COL8A1: variants seen among roughly 807,000 people sequenced by gnomAD.
COL8A1 encodes the protein collagen type VIII alpha 1 chain.
In COL8A1, 21 loss-of-function variants were observed where a neutral mutation model predicts 42.7. The observed-to-expected ratio is 0.49, with a 90% CI of 0.35 to 0.71. The LOEUF (loss-of-function observed/expected upper bound fraction) is 0.71, where lower values mean the gene tolerates loss of function less well. Among genes scored for constraint, COL8A1 ranks in the 30% least tolerant of loss-of-function variants. COL8A1 has a pLI of 0.01. For synonymous variants in COL8A1, 367 were observed against 369.1 expected, an observed-to-expected ratio of 0.99 and a Z score of 0.06; for missense variants, 788 against 962.4, an observed-to-expected ratio of 0.82 and a Z score of 2.40.
chr3:99,713,786 A>G (rs201791668), intron 1 of COL8A1, among the ~76,000 whole-genome samples: 5 of 27,528 alleles, frequency 1.8e-4, no homozygotes, highest in African/African-American at 7.0e-4. Context: ...TGGATTTGTG[A>G]AAAAAAAAAT....
At chr3:99,695,815 A>G (rs894793043) in intron 1 of COL8A1, among the ~76,000 whole-genome samples, 3 of 152,346 alleles carry the variant, frequency 2.0e-5, no homozygotes, top group Non-Finnish European at 4.4e-5. Context: ...CCTGGCACAT[A>G]AGAATCACTG....
intron 1 of COL8A1, among the ~76,000 whole-genome samples, chr3:99,684,146 G>A (rs1938977017): frequency 6.6e-6 from 1 of 152,104 alleles, no homozygotes; most frequent in South Asian, 2.1e-4. Context: ...GTGATGGAAG[G>A]CCACCATGCC....
At chr3:99,673,727 G>A (rs944264760) in intron 1 of COL8A1, among the ~76,000 whole-genome samples, 1 of 151,976 alleles carries the variant, frequency 6.6e-6, no homozygotes, top group Non-Finnish European at 1.5e-5. Context: ...AATAGAGGTA[G>A]CAGAGCATAG....
chr3:99,728,150 G>A (rs1940393956), intron 1 of COL8A1, among the ~76,000 whole-genome samples: 1 of 152,020 alleles, frequency 6.6e-6, no homozygotes, highest in Admixed American at 6.6e-5. Flanking sequence ...AGGGCAATTA[G>A]GCAGGAGAAG....
At chr3:99,760,621 G>A (rs562902200) in intron 2 of COL8A1, among the ~76,000 whole-genome samples, 1 of 152,264 alleles carries the variant, frequency 6.6e-6, no homozygotes, top group East Asian at 1.9e-4. Context: ...TTAACTCAAA[G>A]CCAGGTTTAG....
intron 1 of COL8A1, among the ~76,000 whole-genome samples, chr3:99,716,519 A>G (rs150148719): frequency 0.027 from 4,100 of 152,170 alleles, 128 homozygotes; most frequent in Admixed American, 0.085. Context: ...AATGTGCTAC[A>G]AAAAGGAAGC....
At chr3:99,786,289 C>G (rs903368924) in intron 2 of COL8A1, among the ~76,000 whole-genome samples, 1 of 152,128 alleles carries the variant, frequency 6.6e-6, no homozygotes, top group African/African-American at 2.4e-5. Flanking sequence ...AAATATGACA[C>G]CCCCCTCCGA....
At chr3:99,716,078 TA>T (rs1437006333) in intron 1 of COL8A1, among the ~76,000 whole-genome samples, 1 of 152,102 alleles carries the variant, frequency 6.6e-6, no homozygotes, top group Non-Finnish European at 1.5e-5. Flanking sequence ...AACTGATTGC[TA>T]TGTGATACAC....
intron 2 of COL8A1, among the ~76,000 whole-genome samples, chr3:99,771,790 C>G (rs1290382070): frequency 6.6e-6 from 1 of 152,092 alleles, no homozygotes; most frequent in Non-Finnish European, 1.5e-5. Context: ...CTTAGCTCAC[C>G]CCCTCTGTAG....
rs538611015 is a variant in COL8A1, at chr3:99,688,193, G to T, written c.-129+49529G>T. 1.7e-4 allele frequency among the ~76,000 whole-genome samples: 26 copies of T among 152,310 alleles called. 1 individual carries two copies. The South Asian group carries it at 5.4e-3, about 32-fold the overall frequency. ...AATGATAATGTATTTCTTGCTTACT[G>T]TTGTAACAAACCACCACAAATTTAG... is the stretch of plus-strand genomic sequence containing the variant. On this transcript the variant is annotated intron_variant, in intron 1 of 3. Coordinates refer to ENST00000652472, the MANE Select transcript of COL8A1 (RefSeq NM_020351.4).
At chr3:99,727,305 G>C (rs1470558377) in intron 1 of COL8A1, among the ~76,000 whole-genome samples, 1 of 152,262 alleles carries the variant, frequency 6.6e-6, no homozygotes, top group East Asian at 1.9e-4. Context: ...AGCTTAAGGA[G>C]ATTTTGGGCT....
At chr3:99,705,760 G>A (rs529961539) in intron 1 of COL8A1, among the ~76,000 whole-genome samples, 77 of 152,086 alleles carry the variant, frequency 5.1e-4, no homozygotes, top group Non-Finnish European at 1.0e-3. Flanking sequence ...TTTTGGGGAT[G>A]AATAAACTCC....
chr3:99,736,868 A>G (rs1940736581), intron 1 of COL8A1, among the ~76,000 whole-genome samples: 2 of 152,250 alleles, frequency 1.3e-5, no homozygotes, highest in South Asian at 2.1e-4. Context: ...TGGGAGTCTA[A>G]GTCTCTTTGT....
intron 1 of COL8A1, among the ~76,000 whole-genome samples, chr3:99,743,181 G>C (rs1483361379): frequency 6.6e-6 from 1 of 152,062 alleles, no homozygotes; most frequent in Non-Finnish European, 1.5e-5. Flanking sequence ...TGTATTTCCT[G>C]CCAGTCTTCT....
At chr3:99,783,484 G>T (rs981268817) in intron 2 of COL8A1, among the ~76,000 whole-genome samples, 1 of 152,184 alleles carries the variant, frequency 6.6e-6, no homozygotes, top group Non-Finnish European at 1.5e-5. Context: ...ATGTTCATTG[G>T]ATGGTCTTGC....
chr3:99,649,148 G>A (rs1362956246), intron 1 of COL8A1, among the ~76,000 whole-genome samples: 1 of 151,868 alleles, frequency 6.6e-6, no homozygotes, highest in African/African-American at 2.4e-5. Flanking sequence ...TCCCCTCTGT[G>A]AGAACATGCC....
intron 1 of COL8A1, among the ~76,000 whole-genome samples, chr3:99,724,978 A>G (rs1576448953): frequency 6.6e-6 from 1 of 152,114 alleles, no homozygotes; most frequent in African/African-American, 2.4e-5. Flanking sequence ...TAAATATAAT[A>G]AGATTGCTTT....
chr3:99,743,603 A>G (rs1347286371), intron 1 of COL8A1, among the ~76,000 whole-genome samples: 1 of 117,954 alleles, frequency 8.5e-6, no homozygotes, highest in Non-Finnish European at 1.8e-5. Flanking sequence ...CCACAGGTAA[A>G]TTAATTAACT....
At chr3:99,677,979 T>C (rs1938752642) in intron 1 of COL8A1, 1 of 152,194 alleles carries the variant, frequency 6.6e-6, no homozygotes, top group South Asian at 2.1e-4. Flanking sequence ...ACTAGCATAA[T>C]TCACATTGGA....
Sources: gnomAD v4.1 joint callset for allele counts (sites outside exome capture counted in the v4.1 genomes callset) on GRCh38, gnomAD v4.1.1 for gene constraint, MANE v1.5 for transcripts, NCBI Gene and HGNC (gene_info 2026-07-23, HGNC 2026-07-21) for gene names.